The following DNAH11 variants were observed in gnomAD, a reference collection of about 807,000 sequenced individuals.
DNAH11 encodes the protein dynein axonemal heavy chain 11.
Under a neutral mutation model 526.0 loss-of-function variants are expected in DNAH11, and 442 were observed. The observed-to-expected ratio is 0.84, with a 90% CI of 0.78 to 0.91. The LOEUF is 0.91. DNAH11 is among the 40% of genes least tolerant of loss of function. DNAH11 has a pLI of 0.00. For missense variants in DNAH11, 6,989 were observed against 5,448.7 expected, an observed-to-expected ratio of 1.28 and a Z score of -8.90; for synonymous variants, 2,461 against 1,935.9, an observed-to-expected ratio of 1.27 and a Z score of -7.12.
intron 20 of DNAH11, among the ~76,000 whole-genome samples, chr7:21,609,578 C>T (rs990113757): frequency 8.8e-5 from 13 of 148,286 alleles, no homozygotes; most frequent in African/African-American, 2.7e-4. Flanking sequence ...GGAAAAAAAA[C>T]GATTAAAAAT....
chr7:21,750,348 T>C lies in DNAH11; in HGVS notation c.8924T>C (p.Val2975Ala). The C allele has an allele frequency of 6.2e-7, 1 of 1,603,880 alleles. No individual in the cohort carries two copies. Among genetic ancestry groups the C allele is most frequent in the Non-Finnish European group, 8.5e-7 (1 of 1,175,072 alleles). Residue 2975 changes from valine to alanine, a missense_variant, in exon 54 of 82, where the codon GTG (valine) becomes GCG (alanine). Physicochemically the swap from Val to Ala is moderately conservative, Grantham distance 64 (BLOSUM62 0). Coordinates refer to ENST00000409508, the MANE Select transcript of DNAH11 (RefSeq NM_001277115.2). ...TGTTGGAAATTCTTTATGGCCAGGG[T>C]GCGACTACAGCTCAAAGTAAGAAAT... ...ENCWKFFMAR[V>A]RLQLKIILCF...
intron 74 of DNAH11, among the ~76,000 whole-genome samples, chr7:21,874,643 A>C (rs1783636380): frequency 6.6e-6 from 1 of 152,074 alleles, no homozygotes; most frequent in Non-Finnish European, 1.5e-5. Flanking sequence ...GCACCTGGCC[A>C]AATACATATA....
chr7:21,654,195 A>G (rs1273876016), intron 28 of DNAH11, among the ~76,000 whole-genome samples: 2 of 152,186 alleles, frequency 1.3e-5, no homozygotes, highest in Non-Finnish European at 2.9e-5. Flanking sequence ...ATTTTCATCA[A>G]GCCGAAAGTA....
intron 73 of DNAH11, among the ~76,000 whole-genome samples, chr7:21,871,301 T>C (rs1378019189): frequency 6.6e-6 from 1 of 152,244 alleles, no homozygotes; most frequent in Admixed American, 6.5e-5. Context: ...TTCATGCATT[T>C]CCAAGACATA....
chr7:21,729,878 T>A (rs1785299791), intron 45 of DNAH11, among the ~76,000 whole-genome samples: 1 of 152,202 alleles, frequency 6.6e-6, no homozygotes, highest in South Asian at 2.1e-4. Flanking sequence ...AGGTATCTGT[T>A]ACCATAGCAG....
At chr7:21,776,173 C>G (rs1211859796) in intron 56 of DNAH11, among the ~76,000 whole-genome samples, 2 of 152,180 alleles carry the variant, frequency 1.3e-5, no homozygotes, top group Non-Finnish European at 2.9e-5. Context: ...CTGCTTGGGT[C>G]TCTTTACTTC....
chr7:21,799,255 C>T (rs1371867452), intron 61 of DNAH11, among the ~76,000 whole-genome samples: 1 of 152,104 alleles, frequency 6.6e-6, no homozygotes, highest in Non-Finnish European at 1.5e-5. Context: ...GATACCAGAG[C>T]CTTCGTGTGC....
At chr7:21,660,176 TGA>T (rs1447020898) in intron 30 of DNAH11, among the ~76,000 whole-genome samples, 13 of 152,192 alleles carry the variant, frequency 8.5e-5, no homozygotes, top group African/African-American at 2.6e-4. Flanking sequence ...CATAAATAAC[TGA>T]GATAATTAAA....
intron 56 of DNAH11, among the ~76,000 whole-genome samples, chr7:21,778,290 G>C (rs1189841985): frequency 6.6e-6 from 1 of 152,172 alleles, no homozygotes; most frequent in Admixed American, 6.5e-5. Context: ...TGGGAGACGT[G>C]TATGCCTCTG....
At position 21,710,557 on chromosome 7, in the gene DNAH11, G is replaced by C. The variant is rs1784426240; in HGVS notation, c.6688G>C (p.Val2230Leu). 1 of 1,606,530 alleles carries C rather than the reference G, an allele frequency of 6.2e-7. No individual in the cohort carries two copies. The highest frequency in any genetic ancestry group is 8.5e-7 in the Non-Finnish European group (1 of 1,174,850). Residue 2230 changes from valine to leucine, a missense_variant, in exon 41 of 82, where the codon GTT (valine) becomes CTT (leucine). Physicochemically the swap from Val to Leu is conservative, Grantham distance 32 (BLOSUM62 1). Coordinates refer to ENST00000409508, the MANE Select transcript of DNAH11 (RefSeq NM_001277115.2). ...ATREWKDGKI[V>L]YSYFIGLFSS... ...CTCAACTACATTATATATTAGGATT[G>C]TTTACTCTTATTTTATAGGTCTCTT...
intron 2 of DNAH11, 129 bp from the exon 3 acceptor site, chr7:21,558,673 C>G: frequency 1.5e-6 from 1 of 674,652 alleles, no homozygotes; most frequent in Non-Finnish European, 2.4e-6. Flanking sequence ...TTTATCCTCT[C>G]TTTGTAGATT....
chr7:21,571,411 CT>C (rs1783884047), intron 7 of DNAH11, among the ~76,000 whole-genome samples: 1 of 152,108 alleles, frequency 6.6e-6, no homozygotes, highest in African/African-American at 2.4e-5. Context: ...TCTCAAGTAG[CT>C]GGGACTACAG....
chr7:21,781,139 T>C (rs565740254), intron 57 of DNAH11, among the ~76,000 whole-genome samples: 1 of 152,350 alleles, frequency 6.6e-6, no homozygotes, highest in South Asian at 2.1e-4. Flanking sequence ...TATGCCATAC[T>C]AAAGGGGGTG....
At chr7:21,690,219 GAT>G in intron 34 of DNAH11, among the ~76,000 whole-genome samples, 1 of 152,126 alleles carries the variant, frequency 6.6e-6, no homozygotes, top group East Asian at 1.9e-4. Flanking sequence ...GCCTAAAAGG[GAT>G]ATGCCTGGTA....
chr7:21,727,426 C>T (rs904766505), intron 45 of DNAH11, among the ~76,000 whole-genome samples: 3 of 152,152 alleles, frequency 2.0e-5, no homozygotes, highest in African/African-American at 4.8e-5. Flanking sequence ...TCTTCTTATA[C>T]CCTCCAGCTA....
intron 79 of DNAH11, among the ~76,000 whole-genome samples, chr7:21,897,234 C>G (rs1481155614): frequency 6.6e-6 from 1 of 152,098 alleles, no homozygotes; most frequent in Non-Finnish European, 1.5e-5. Flanking sequence ...TAAGTATTTT[C>G]TTCAAGACTT....
chr7:21,561,674 CATAAA>C (rs1432260817), intron 5 of DNAH11, among the ~76,000 whole-genome samples: 1 of 152,156 alleles, frequency 6.6e-6, no homozygotes, highest in Non-Finnish European at 1.5e-5. Context: ...AACCAGGAAT[CATAAA>C]ATGATATCCA....
intron 54 of DNAH11, among the ~76,000 whole-genome samples, chr7:21,763,789 T>TATATACATATACATATAC (rs61311190): frequency 7.9e-6 from 1 of 127,200 alleles, no homozygotes; most frequent in East Asian, 3.3e-4. Flanking sequence ...TAATGTGCTA[T>TATATACATATACATATAC]ATATACATAT....
At chr7:21,705,353 G>A (rs1249526070) in intron 38 of DNAH11, 107 bp from the exon 39 acceptor site, 4 of 1,023,874 alleles carry the variant, frequency 3.9e-6, no homozygotes, top group Non-Finnish European at 5.9e-6. Flanking sequence ...TGTTGTCAGT[G>A]GGGGCTGGCT....
Sources: allele counts gnomAD v4.1 joint callset (sites outside exome capture counted in the v4.1 genomes callset), GRCh38; gene constraint gnomAD v4.1.1; transcripts MANE v1.5; gene names NCBI Gene and HGNC (gene_info 2026-07-23, HGNC 2026-07-21).